The following PTPN13 variants were observed in gnomAD, a reference collection of about 807,000 sequenced individuals.
PTPN13 encodes protein tyrosine phosphatase non-receptor type 13.
In PTPN13, 191 loss-of-function variants were observed where a neutral mutation model predicts 284.0. The observed-to-expected ratio is 0.67, with a 90% confidence interval of 0.60 to 0.76. The LOEUF is 0.76. PTPN13 is among the 30% of genes least tolerant of loss of function. The pLI, the probability that PTPN13 is intolerant of heterozygous loss-of-function variation, is 0.00. For missense variants in PTPN13, 2,797 were observed against 2,939.9 expected (o/e 0.95, Z 1.12); for synonymous variants, 986 against 1,022.3 (o/e 0.96, Z 0.68).
chr4:86,615,779 G>A lies in PTPN13; in HGVS notation c.-5-19473G>A, dbSNP rs535082682. On this transcript the variant is annotated intron_variant, in intron 1 of 47. Coordinates refer to ENST00000411767, the MANE Select transcript of PTPN13 (RefSeq NM_080683.3). ...TTGGTCTCAGTTCTGCATTCTGTTA[G>A]GAATACCATAAAAAGACTACTTCTT... is the stretch of plus-strand genomic sequence containing the variant. Among the ~76,000 whole-genome samples, 10 of 152,160 alleles carry A rather than the reference G, an allele frequency of 6.6e-5. No homozygotes were observed. The East Asian group carries it at 1.2e-3, about 18-fold the overall frequency.
intron 2 of PTPN13, among the ~76,000 whole-genome samples, chr4:86,671,788 A>T (rs1243563946): frequency 6.6e-6 from 1 of 152,232 alleles, no homozygotes; most frequent in Non-Finnish European, 1.5e-5. Context: ...GTAGTTAGAA[A>T]CCTTGTGAAT....
intron 2 of PTPN13, among the ~76,000 whole-genome samples, chr4:86,642,449 C>CTTTTTT (rs1241682151): frequency 1.8e-4 from 5 of 27,454 alleles, no homozygotes; most frequent in African/African-American, 6.3e-4. Context: ...TCTTCTTCTT[C>CTTTTTT]TTTTTTTTTT....
intron 2 of PTPN13, among the ~76,000 whole-genome samples, 190 bp downstream of exon 2, chr4:86,635,561 C>T (rs983788224): frequency 3.9e-5 from 6 of 152,132 alleles, no homozygotes; most frequent in African/African-American, 1.4e-4. Context: ...ATTTGAATAT[C>T]TTCTATGTGC....
intron 47 of PTPN13, among the ~76,000 whole-genome samples, chr4:86,812,013 A>G (rs1745257782): frequency 6.6e-6 from 1 of 152,202 alleles, no homozygotes; most frequent in East Asian, 1.9e-4. Context: ...CTTACTTTGT[A>G]TTAGGAACTC....
At chr4:86,792,271 C>T (rs1742774718) in intron 40 of PTPN13, among the ~76,000 whole-genome samples, 2 of 151,916 alleles carry the variant, frequency 1.3e-5, no homozygotes, top group African/African-American at 4.8e-5. Context: ...GATTGAAGAT[C>T]AAATTAATGA....
At chr4:86,672,334 TA>T (rs1554303921) in intron 2 of PTPN13, 30 bp from the exon 3 acceptor site, 1 of 1,485,424 alleles carries the variant, frequency 6.7e-7, no homozygotes, top group Non-Finnish European at 9.0e-7. Context: ...TCTTTTTTTT[TA>T]TTTTTTATTT....
At chr4:86,681,211 T>G (rs1252354304) in intron 3 of PTPN13, among the ~76,000 whole-genome samples, 3 of 152,218 alleles carry the variant, frequency 2.0e-5, no homozygotes, top group Non-Finnish European at 2.9e-5. Flanking sequence ...TCCTTGAGTT[T>G]CCTTAGCACA....
At chr4:86,647,833 G>T (rs771664970) in intron 2 of PTPN13, among the ~76,000 whole-genome samples, 32 of 152,042 alleles carry the variant, frequency 2.1e-4, no homozygotes, top group Admixed American at 1.0e-3. Flanking sequence ...CCATCTATAA[G>T]CCAAGAAGAG....
chr4:86,777,214 T>C (rs1303655646), intron 35 of PTPN13, among the ~76,000 whole-genome samples: 1 of 152,202 alleles, frequency 6.6e-6, no homozygotes, highest in Non-Finnish European at 1.5e-5. Context: ...TGGGCCTTAC[T>C]GTGGTAAAAT....
intron 1 of PTPN13, among the ~76,000 whole-genome samples, chr4:86,598,856 C>G (rs939609226): frequency 7.9e-5 from 12 of 152,246 alleles, no homozygotes; most frequent in Non-Finnish European, 2.9e-5. Flanking sequence ...CTTTAAATTG[C>G]TGGGCTCAAG....
At chr4:86,768,445 G>C (rs1415598825) in intron 28 of PTPN13, among the ~76,000 whole-genome samples, 1 of 152,068 alleles carries the variant, frequency 6.6e-6, no homozygotes, top group Non-Finnish European at 1.5e-5. Context: ...TCACTAATTG[G>C]TAGTAAGAAA....
chr4:86,762,819 A>C lies in PTPN13; in HGVS notation c.3646A>C (p.Lys1216Gln). The change falls in exon 24 of 48, where the codon AAG becomes CAG. Residue 1216 changes from lysine (K) to glutamine (Q), a missense_variant. By Grantham distance (53) the Lys-to-Gln change is moderately conservative (BLOSUM62 1). Coordinates refer to ENST00000411767, the MANE Select transcript of PTPN13 (RefSeq NM_080683.3). ...AGACAGTGCTATAGATTCTTCTTCCAAGGATCACCACTGGTCACGTGGTAC... is the reference window on the plus strand; with the variant it reads ...AGACAGTGCTATAGATTCTTCTTCCCAGGATCACCACTGGTCACGTGGTAC... Reference protein sequence around the residue: ...MQDSAIDSSSKDHHWSRGTLR... With the variant: ...MQDSAIDSSSQDHHWSRGTLR... The C allele has an allele frequency of 1.9e-6, 3 of 1,613,892 alleles. No individual in the cohort carries two copies. The highest frequency in any genetic ancestry group is 2.5e-6 in the Non-Finnish European group (3 of 1,179,800).
intron 35 of PTPN13, among the ~76,000 whole-genome samples, chr4:86,777,437 A>G (rs1370385111): frequency 6.6e-6 from 1 of 152,178 alleles, no homozygotes; most frequent in Non-Finnish European, 1.5e-5. Flanking sequence ...TGTGATTATA[A>G]TGGGCCCACC....
intron 6 of PTPN13, among the ~76,000 whole-genome samples, chr4:86,694,036 GAAAC>G (rs1325776237): frequency 6.6e-6 from 1 of 150,838 alleles, no homozygotes; most frequent in Non-Finnish European, 1.5e-5. Flanking sequence ...AAACACTACT[GAAAC>G]AAAAGTTTCA....
intron 3 of PTPN13, among the ~76,000 whole-genome samples, chr4:86,680,330 T>G (rs1160757833): frequency 6.6e-6 from 1 of 151,368 alleles, no homozygotes; most frequent in African/African-American, 2.4e-5. Flanking sequence ...CCATGTCACA[T>G]TTTCCTTTCT....
intron 31 of PTPN13, among the ~76,000 whole-genome samples, chr4:86,772,325 A>C (rs894819297): frequency 6.6e-6 from 1 of 152,168 alleles, no homozygotes; most frequent in Non-Finnish European, 1.5e-5. Context: ...AGGCCAAGGC[A>C]GGTAGATTGC....
chr4:86,606,768 G>A (rs1480467958), intron 1 of PTPN13, among the ~76,000 whole-genome samples: 1 of 151,728 alleles, frequency 6.6e-6, no homozygotes, highest in African/African-American at 2.4e-5. Context: ...CAAATACCTA[G>A]TTGATTGCAT....
chr4:86,807,329 G>A (rs1744763265), intron 44 of PTPN13, among the ~76,000 whole-genome samples: 1 of 152,070 alleles, frequency 6.6e-6, no homozygotes, highest in African/African-American at 2.4e-5. Context: ...AATTTCATAT[G>A]TCAGAAACTC....
chr4:86,689,590 C>T (rs923552362), intron 5 of PTPN13: 8 of 697,112 alleles, frequency 1.1e-5, no homozygotes, highest in East Asian at 5.4e-5. Flanking sequence ...ATACCTGTTT[C>T]GTGACCACTC....
Sources: allele counts gnomAD v4.1 joint callset (sites outside exome capture counted in the v4.1 genomes callset), GRCh38; gene constraint gnomAD v4.1.1; transcripts MANE v1.5; gene names NCBI Gene and HGNC (gene_info 2026-07-23, HGNC 2026-07-21).